The following CD80 variants were observed in gnomAD, a reference collection of about 807,000 sequenced individuals.
The protein encoded by CD80 is T-lymphocyte activation antigen CD80.
In CD80, 13 loss-of-function variants were observed where a neutral mutation model predicts 27.1. The ratio of observed to expected loss-of-function variants is 0.48; its 90% confidence interval spans 0.31 to 0.76. The LOEUF is 0.76. CD80 is among the 30% of genes least tolerant of loss of function. The pLI, the probability that CD80 is intolerant of heterozygous loss-of-function variation, is 0.04. For missense variants in CD80, 277 were observed against 347.9 expected (o/e 0.80, Z 1.62); for synonymous variants, 125 against 125.5 (o/e 1.00, Z 0.03).
chr3:119,537,999 A>G (rs552818466), intron 3 of CD80, among the ~76,000 whole-genome samples: 206 of 152,318 alleles, frequency 1.4e-3, no homozygotes, highest in African/African-American at 4.5e-3. Flanking sequence ...ATGTTGCCAG[A>G]GTACTTGCAA....
chr3:119,554,273 T>C (rs2082250963), intron 2 of CD80, among the ~76,000 whole-genome samples: 1 of 152,264 alleles, frequency 6.6e-6, no homozygotes, highest in South Asian at 2.1e-4. Flanking sequence ...ATGGTGGCAC[T>C]TTGGGGTATT....
chr3:119,543,262 G>A (rs902593722), intron 3 of CD80, among the ~76,000 whole-genome samples: 1 of 152,350 alleles, frequency 6.6e-6, no homozygotes, highest in Middle Eastern at 3.4e-3. Flanking sequence ...CTCTTGGGTG[G>A]TTACAAAAGC....
chr3:119,541,224 C>T (rs1237129063), intron 3 of CD80, among the ~76,000 whole-genome samples: 1 of 151,912 alleles, frequency 6.6e-6, no homozygotes, highest in Non-Finnish European at 1.5e-5. Flanking sequence ...ATTAGTTAAC[C>T]CAATTTTTAC....
At chr3:119,550,788 C>T (rs917744407) in intron 2 of CD80, among the ~76,000 whole-genome samples, 9 of 152,156 alleles carry the variant, frequency 5.9e-5, no homozygotes, top group African/African-American at 2.2e-4. Flanking sequence ...TCATAAAAGT[C>T]CTCCACAGTA....
At chr3:119,538,391 C>T (rs1338810505) in intron 3 of CD80, among the ~76,000 whole-genome samples, 7 of 152,094 alleles carry the variant, frequency 4.6e-5, no homozygotes, top group South Asian at 2.1e-4. Context: ...CTATAGCGAA[C>T]GCCTGAAAAC....
At chr3:119,549,723 A>C (rs1268943393) in intron 2 of CD80, among the ~76,000 whole-genome samples, 1 of 152,218 alleles carries the variant, frequency 6.6e-6, no homozygotes, top group African/African-American at 2.4e-5. Context: ...GTAATGCAGA[A>C]AGGTCCAGGC....
intron 2 of CD80, among the ~76,000 whole-genome samples, chr3:119,552,066 C>T (rs1370642766): frequency 6.6e-6 from 1 of 152,260 alleles, no homozygotes; most frequent in Admixed American, 6.5e-5. Context: ...ACACTGCTGG[C>T]CTCAGCCTCT....
intron 6 of CD80, among the ~76,000 whole-genome samples, chr3:119,526,822 T>C (rs1256322405): frequency 6.6e-6 from 1 of 152,228 alleles, no homozygotes; most frequent in African/African-American, 2.4e-5. Flanking sequence ...GATAATTTTG[T>C]AGACTAATTC....
At chr3:119,548,852 T>C (rs1312208374) in intron 2 of CD80, among the ~76,000 whole-genome samples, 1 of 152,062 alleles carries the variant, frequency 6.6e-6, no homozygotes. Flanking sequence ...CTGGTCAACA[T>C]GGTGAAACCC....
chr3:119,529,737 A>C, intron 5 of CD80, 105 bp downstream of exon 5: 1 of 742,530 alleles, frequency 1.3e-6, no homozygotes. Flanking sequence ...GCTTGCTGTA[A>C]ACATGAGAAG....
chr3:119,543,620 A>G (rs1210074120), intron 3 of CD80, among the ~76,000 whole-genome samples: 4 of 151,378 alleles, frequency 2.6e-5, no homozygotes, highest in Non-Finnish European at 1.5e-5. Context: ...TTGTATTTTT[A>G]GTAGAGATGG....
chr3:119,553,817 T>G (rs1047799383), intron 2 of CD80, among the ~76,000 whole-genome samples: 2 of 152,218 alleles, frequency 1.3e-5, no homozygotes, highest in African/African-American at 4.8e-5. Flanking sequence ...ATGGAAGATA[T>G]AGAAAAGCGT....
At chr3:119,541,781 T>C (rs1054005977) in intron 3 of CD80, among the ~76,000 whole-genome samples, 9 of 152,364 alleles carry the variant, frequency 5.9e-5, no homozygotes, top group Admixed American at 5.9e-4. Context: ...GTGACCTTTT[T>C]GTCTTCCCTT....
chr3:119,556,347 T>C (rs931019291), intron 2 of CD80, among the ~76,000 whole-genome samples: 8 of 152,126 alleles, frequency 5.3e-5, no homozygotes, highest in African/African-American at 1.9e-4. Flanking sequence ...GTTCTCCCTC[T>C]TTCTGTCTCT....
Position 119,524,549 on chromosome 3 carries a change from G to A in CD80, c.*1239C>T, listed in dbSNP as rs1296063210. On this transcript the variant is annotated 3_prime_UTR_variant, in exon 7 of 7. Transcript: ENST00000264246. ...AGCAAGGTTTGTGAAGCAGCATAGT[G>A]AGGTAGCTAAAGCCATGGGCTGGCT... is the stretch of plus-strand genomic sequence containing the variant. The A allele has an allele frequency of 2.0e-5, 3 of 152,240 alleles. No homozygotes were observed. Among genetic ancestry groups the A allele is most frequent in the African/African-American group, 7.2e-5 (3 of 41,452 alleles). 9.4% of individuals were successfully genotyped at this position (152,240 alleles called of 1,614,324 possible). A position where few individuals can be genotyped will look rare whatever the true frequency, so the allele number is the denominator to read the frequency against.
chr3:119,539,286 A>G (rs1001114056), intron 3 of CD80, among the ~76,000 whole-genome samples: 1 of 152,172 alleles, frequency 6.6e-6, no homozygotes, highest in Non-Finnish European at 1.5e-5. Context: ...TGCATAATTT[A>G]TGACTTCTTG....
intron 3 of CD80, among the ~76,000 whole-genome samples, chr3:119,541,907 T>G (rs2082171192): frequency 1.3e-5 from 2 of 152,134 alleles, no homozygotes; most frequent in Admixed American, 1.3e-4. Context: ...CTGCCCCCCT[T>G]GAAATGTTTC....
At chr3:119,554,704 C>T (rs1383062363) in intron 2 of CD80, among the ~76,000 whole-genome samples, 1 of 152,130 alleles carries the variant, frequency 6.6e-6, no homozygotes, top group East Asian at 1.9e-4. Context: ...ATAAAGCCCT[C>T]TATAATCCTA....
intron 4 of CD80, among the ~76,000 whole-genome samples, chr3:119,532,281 C>T (rs895830237): frequency 6.6e-6 from 1 of 152,210 alleles, no homozygotes; most frequent in Non-Finnish European, 1.5e-5. Context: ...GTGGGCAGAT[C>T]ACCTGAGGTC....
Sources: allele counts gnomAD v4.1 joint callset (sites outside exome capture counted in the v4.1 genomes callset), GRCh38; gene constraint gnomAD v4.1.1; transcripts MANE v1.5; gene names NCBI Gene and HGNC (gene_info 2026-07-23, HGNC 2026-07-21).